The following GPN3 variants were observed in gnomAD, a reference collection of about 807,000 sequenced individuals.
The protein encoded by GPN3 is GPN-loop GTPase 3, also known as ATP-binding domain 1 family member C.
GPN3 carries 31 observed loss-of-function variants against 38.7 expected under a neutral mutation model. That is an observed-to-expected ratio of 0.80 (90% CI 0.60 to 1.08). GPN3 has a LOEUF of 1.08. Among genes scored for constraint, GPN3 ranks in the 50% least tolerant of loss-of-function variants. The pLI, the probability that GPN3 is intolerant of heterozygous loss-of-function variation, is 0.00. For missense variants in GPN3, 301 were observed against 354.4 expected (o/e 0.85, Z 1.21); for synonymous variants, 116 against 120.2 (o/e 0.96, Z 0.23).
At chr12:110,460,893 G>T in intron 2 of GPN3, 2 of 685,964 alleles carry the variant, frequency 2.9e-6, no homozygotes, top group Non-Finnish European at 5.3e-6. Flanking sequence ...GAACCCAGCA[G>T]GCAGAGGTTG....
Position 110,458,905 on chromosome 12 carries a change from A to G in GPN3, c.325+790T>C, listed in dbSNP as rs2062567870. ...TCTTTGTTTATTATGCTCCAGCCAC[A>G]CTGGCCTTTTCAGTGCCTTAAAACA... On this transcript the variant is annotated intron_variant, in intron 3 of 7. Transcript: ENST00000228827. The surrounding 1 kb of genome is among the most constrained non-coding windows in gnomAD (Gnocchi z 4.4). Among the ~76,000 whole-genome samples the G allele has an allele frequency of 6.6e-6, 1 of 152,136 alleles. No homozygotes were observed. The highest frequency in any genetic ancestry group is 1.5e-5 in the Non-Finnish European group (1 of 68,024).
intron 1 of GPN3, among the ~76,000 whole-genome samples, chr12:110,465,906 G>C (rs937869590): frequency 4.6e-5 from 7 of 152,166 alleles, no homozygotes; most frequent in African/African-American, 1.7e-4. Context: ...GTGAAACCTC[G>C]TCTCTACTAA....
intron 1 of GPN3, among the ~76,000 whole-genome samples, chr12:110,467,149 T>C (rs2062636824): frequency 6.6e-6 from 1 of 151,992 alleles, no homozygotes; most frequent in Non-Finnish European, 1.5e-5. Flanking sequence ...CCACCAGGCC[T>C]GGCTAATTTT....
rs7315600 is a variant in GPN3 at position 110,460,858 on chromosome 12, G to A, written c.158-996C>T. 4,682 of 621,088 alleles carry A rather than the reference G, an allele frequency of 7.5e-3. 197 individuals are homozygous for A. The African/African-American group carries it at 0.079, about 10-fold the overall frequency. The allele number at this position is 621,088 out of a possible 1,614,324, so 38.5% of individuals were successfully genotyped here. ...GCACGCCTGTAGTTCTAGCCACTCCGGAGGCTGAGGCAGGAGAATCACTTG... is the reference window on the plus strand; with the variant it reads ...GCACGCCTGTAGTTCTAGCCACTCCAGAGGCTGAGGCAGGAGAATCACTTG... On this transcript the variant is annotated intron_variant, in intron 2 of 7. Transcript: ENST00000228827.
intron 6 of GPN3, among the ~76,000 whole-genome samples, chr12:110,454,104 C>T (rs547316593): frequency 1.1e-4 from 17 of 152,152 alleles, no homozygotes; most frequent in Non-Finnish European, 2.5e-4. Flanking sequence ...CACTGTTTCA[C>T]GGCTATTTAT....
At chr12:110,456,392 A>G (rs1480706478) in intron 4 of GPN3, among the ~76,000 whole-genome samples, 3 of 151,364 alleles carry the variant, frequency 2.0e-5, no homozygotes, top group Non-Finnish European at 4.4e-5. Context: ...AAAATTATTT[A>G]TATTTTATTA....
chr12:110,466,536 T>C (rs952841818), intron 1 of GPN3, among the ~76,000 whole-genome samples: 7 of 152,000 alleles, frequency 4.6e-5, no homozygotes, highest in Non-Finnish European at 8.8e-5. Flanking sequence ...GGTCTCACTG[T>C]CACCCAGGCT....
chr12:110,457,305 T>C (rs1165291103), intron 4 of GPN3, among the ~76,000 whole-genome samples: 2 of 151,040 alleles, frequency 1.3e-5, no homozygotes, highest in African/African-American at 4.9e-5. Flanking sequence ...ATACAAAAAT[T>C]AGCCAGGCAT....
At chr12:110,463,782 CAAAA>C (rs780635794) in intron 2 of GPN3, among the ~76,000 whole-genome samples, 2 of 115,936 alleles carry the variant, frequency 1.7e-5, no homozygotes, top group African/African-American at 6.1e-5. Flanking sequence ...GACCCTGTCT[CAAAA>C]AAAAAAAAAA....
chr12:110,455,568 C>A lies in GPN3; in HGVS notation c.663+18G>T. On this transcript the variant is annotated intron_variant, in intron 6 of 7. Coordinates refer to ENST00000228827, the MANE Select transcript of GPN3 (RefSeq NM_016301.4). The stretch of plus-strand genomic sequence containing the variant: ...AGCCACTGCACCTGGCCAAAAAATC[C>A]AAACTTTAAAAGCTTACCAGTCCAC... 1 of 1,157,296 alleles carries A rather than the reference C, an allele frequency of 8.6e-7. No homozygotes were observed. Among genetic ancestry groups the A allele is most frequent in the South Asian group, 1.3e-5 (1 of 78,016 alleles). 71.7% of individuals were successfully genotyped at this position (1,157,296 alleles called of 1,614,324 possible).
upstream of GPN3, chr12:110,468,657 G>A (rs1375932039): frequency 3.9e-6 from 6 of 1,536,842 alleles, no homozygotes; most frequent in Non-Finnish European, 5.2e-6. Flanking sequence ...CTCCTGTGAC[G>A]CACTGCTTCC....
chr12:110,467,178 CAG>C (rs1479627648), intron 1 of GPN3, among the ~76,000 whole-genome samples: 2 of 151,870 alleles, frequency 1.3e-5, no homozygotes, highest in African/African-American at 4.8e-5. Context: ...TTTGTAGAGA[CAG>C]AGTTTCGCCG....
At chr12:110,467,536 G>C (rs1394686402) in intron 1 of GPN3, among the ~76,000 whole-genome samples, 1 of 152,154 alleles carries the variant, frequency 6.6e-6, no homozygotes, top group Non-Finnish European at 1.5e-5. Context: ...TCTCTGAAAA[G>C]ACCTGGGGAT....
chr12:110,467,010 T>G lies in GPN3; in HGVS notation c.48+1146A>C, dbSNP rs1160530411. Among the ~76,000 whole-genome samples the G allele has an allele frequency of 5.3e-5, 8 of 150,740 alleles. No homozygotes were observed. The East Asian group carries it at 1.6e-3, about 30-fold the overall frequency. On this transcript the variant is annotated intron_variant, in intron 1 of 7. Transcript: ENST00000228827. ...TTCCACACTTCTTCTTTTTTTTTTT[T>G]GCGACAGTACCTCTGTCACCCAGGC...
intron 2 of GPN3, among the ~76,000 whole-genome samples, chr12:110,462,035 G>C (rs1219474339): frequency 3.3e-5 from 5 of 152,090 alleles, no homozygotes; most frequent in Admixed American, 2.6e-4. Flanking sequence ...TAGAGATGGG[G>C]TTTCACCATG....
intron 2 of GPN3, among the ~76,000 whole-genome samples, chr12:110,462,644 A>G (rs2062597387): frequency 6.6e-6 from 1 of 151,418 alleles, no homozygotes; most frequent in African/African-American, 2.4e-5. Context: ...CTGGAGTGCA[A>G]TGGTACGATC....
chr12:110,457,490 T>C lies in GPN3; in HGVS notation c.450+20A>G. On this transcript the variant is annotated intron_variant, in intron 4 of 7. Transcript: ENST00000228827. ...AAAAAAAAAAAAAAAAAAAAATCTG[T>C]AAGAGATTTAGCTTCAGACCTTGAA... 1 of 1,111,112 alleles carries C rather than the reference T, an allele frequency of 9.0e-7. No individual in the cohort carries two copies. The highest frequency in any genetic ancestry group is 1.2e-6 in the Non-Finnish European group (1 of 806,574). The allele number at this position is 1,111,112 out of a possible 1,614,324, so 68.8% of individuals were successfully genotyped here. A position where few individuals can be genotyped will look rare whatever the true frequency, so the allele number is the denominator to read the frequency against.
intron 6 of GPN3, 146 bp downstream of exon 6, chr12:110,455,440 T>C (rs1287710377): frequency 8.8e-6 from 5 of 570,094 alleles, no homozygotes; most frequent in Admixed American, 3.3e-5. Context: ...ATTTAAAAAA[T>C]TTTTTTAGAG....
chr12:110,465,652 G>T (rs1277529164), intron 1 of GPN3, among the ~76,000 whole-genome samples: 1 of 152,186 alleles, frequency 6.6e-6, no homozygotes, highest in Non-Finnish European at 1.5e-5. Context: ...GAAGGAGTTT[G>T]CCAACCTAAG....
Sources: allele counts gnomAD v4.1 joint callset (sites outside exome capture counted in the v4.1 genomes callset), GRCh38; gene constraint gnomAD v4.1.1; non-coding constraint Gnocchi (gnomAD v3.1); transcripts MANE v1.5; gene names NCBI Gene and HGNC (gene_info 2026-07-23, HGNC 2026-07-21).